The following STK3 variants were observed in gnomAD, a reference collection of about 807,000 sequenced individuals.
STK3 encodes serine/threonine-protein kinase 3.
Under a neutral mutation model 58.0 loss-of-function variants are expected in STK3, and 41 were observed. The observed-to-expected ratio is 0.71, with a 90% confidence interval of 0.55 to 0.92. The LOEUF (loss-of-function observed/expected upper bound fraction) is 0.92. Ranked by LOEUF, STK3 falls within the 40% of genes least tolerant of loss-of-function variation. The pLI is 0.00. For synonymous variants in STK3, 170 were observed against 191.0 expected, an observed-to-expected ratio of 0.89 and a Z score of 0.91; for missense variants, 479 against 602.7, an observed-to-expected ratio of 0.79 and a Z score of 2.15.
intron 1 of STK3, among the ~76,000 whole-genome samples, chr8:98,899,044 G>A (rs1838560584): frequency 6.6e-6 from 1 of 152,196 alleles, no homozygotes; most frequent in Admixed American, 6.5e-5. Flanking sequence ...GCTGACCCTT[G>A]AGTCCAAGGC....
At chr8:98,374,851 G>A (rs1817656038) in intron 2 of STK3, among the ~76,000 whole-genome samples, 1 of 152,204 alleles carries the variant, frequency 6.6e-6, no homozygotes, top group Admixed American at 6.5e-5. Context: ...GGATACATGA[G>A]AAGCTAGAGG....
intron 1 of STK3, among the ~76,000 whole-genome samples, chr8:98,802,852 A>G (rs1833645650): frequency 6.6e-6 from 1 of 152,212 alleles, no homozygotes; most frequent in Admixed American, 6.5e-5. Flanking sequence ...TTACAAAATA[A>G]TATGTACAGA....
At chr8:98,826,904 T>G (rs1835333947), upstream of STK3, among the ~76,000 whole-genome samples, 1 of 138,916 alleles carries the variant, frequency 7.2e-6, no homozygotes. Context: ...GCGCCTGTAC[T>G]CCCAGCTGCT....
chr8:98,415,653 G>A (rs1818107326), intron 3 of STK3, among the ~76,000 whole-genome samples: 1 of 152,102 alleles, frequency 6.6e-6, no homozygotes, highest in African/African-American at 2.4e-5. Context: ...TGAAATGTGG[G>A]TAAATTTTAA....
intron 1 of STK3, among the ~76,000 whole-genome samples, chr8:98,888,765 A>G (rs893003969): frequency 1.3e-5 from 2 of 152,264 alleles, no homozygotes; most frequent in Non-Finnish European, 2.9e-5. Context: ...TGTGTTAGAT[A>G]GAACCTGAAA....
intron 1 of STK3, among the ~76,000 whole-genome samples, chr8:98,817,926 A>C (rs1834657166): frequency 1.3e-5 from 2 of 152,218 alleles, no homozygotes; most frequent in South Asian, 4.1e-4. Flanking sequence ...CAGAGCTCTG[A>C]CTTAAATCCA....
chr8:98,691,156 G>A lies in STK3; in HGVS notation c.684+15311C>T, dbSNP rs143742758. ...AGGATCAGCAGAAGCCCAAACCTCA[G>A]TACCATGCAATATACCCTTGTAACA... On this transcript the variant is annotated intron_variant, in intron 6 of 10. Coordinates refer to ENST00000419617, the MANE Select transcript of STK3 (RefSeq NM_006281.4). 2.7e-4 allele frequency among the ~76,000 whole-genome samples: 41 copies of A among 152,154 alleles called. No individual in the cohort carries two copies. In the East Asian group the frequency reaches 7.7e-3, roughly 29 times the overall value.
intron 10 of STK3, among the ~76,000 whole-genome samples, chr8:98,474,236 T>C (rs531808299): frequency 6.6e-6 from 1 of 152,316 alleles, no homozygotes; most frequent in African/African-American, 2.4e-5. Flanking sequence ...AATAGCTTCC[T>C]AACTAGTTTC....
chr8:98,870,953 C>T (rs1279098492), intron 3 of STK3, among the ~76,000 whole-genome samples: 4 of 152,014 alleles, frequency 2.6e-5, no homozygotes, highest in African/African-American at 9.7e-5. Flanking sequence ...CTAGGTTTTC[C>T]TCTAGGGTTT....
rs769690028 is a variant in STK3 at position 98,428,609 on chromosome 8, C to T, written n.483+5518G>A. The T allele has an allele frequency of 6.8e-6, 11 of 1,614,136 alleles. No individual in the cohort carries two copies. The highest frequency in any genetic ancestry group is 3.3e-4 in the Middle Eastern group (2 of 6,062). On this transcript the variant is annotated intron_variant and non_coding_transcript_variant, in intron 3 of 3. Transcript: ENST00000517832. The surrounding 1 kb of genome is among the most constrained non-coding windows in gnomAD (Gnocchi z 6.7). Reference sequence around the variant, plus strand: ...TCACCATGTGCCTCAATAGCCTGCCCGATTTCCAAATCCCTGACAGCCAGG... The same window carrying T: ...TCACCATGTGCCTCAATAGCCTGCCTGATTTCCAAATCCCTGACAGCCAGG...
In STK3 at chr8:98,854,469, G is replaced by A. The variant is rs368340785; in HGVS notation, c.110+29178C>T. ...CTATTTTTAAAGATGATGTAATCTC[G>A]TATATAGAAAATCCTTAGAAATCCA... On this transcript the variant is annotated intron_variant, in intron 3 of 12. Transcript: ENST00000523601. Among the ~76,000 whole-genome samples the A allele has an allele frequency of 9.9e-5, 15 of 151,990 alleles. No individual in the cohort carries two copies. In the South Asian group the frequency reaches 2.1e-3, roughly 21 times the overall value.
At chr8:98,423,657 C>T (rs773212048) in intron 3 of STK3, among the ~76,000 whole-genome samples, 7 of 152,154 alleles carry the variant, frequency 4.6e-5, no homozygotes, top group South Asian at 2.1e-4. Context: ...TCCTTCAGGG[C>T]GGAAAGCACC....
chr8:98,368,249 G>A (rs1296846362), downstream of STK3, among the ~76,000 whole-genome samples: 2 of 152,184 alleles, frequency 1.3e-5, no homozygotes, highest in Admixed American at 1.3e-4. Flanking sequence ...TCTGGCCTGG[G>A]GTATGGAGGC....
chr8:98,713,523 C>A (rs529094132), intron 4 of STK3, among the ~76,000 whole-genome samples: 3 of 152,282 alleles, frequency 2.0e-5, no homozygotes, highest in East Asian at 1.9e-4. Flanking sequence ...ACTAGAAAAT[C>A]TAGAAGAAAT....
intron 6 of STK3, among the ~76,000 whole-genome samples, chr8:98,612,398 T>TACAC (rs150204604): frequency 1.3e-5 from 2 of 148,570 alleles, no homozygotes; most frequent in Non-Finnish European, 1.5e-5. Flanking sequence ...TATATATATA[T>TACAC]ACACACACAC....
At chr8:98,535,581 G>T (rs1451843091) in intron 9 of STK3, among the ~76,000 whole-genome samples, 1 of 151,634 alleles carries the variant, frequency 6.6e-6, no homozygotes, top group Non-Finnish European at 1.5e-5. Context: ...CCCCAGTGCT[G>T]TAATAAACAG....
chr8:98,549,780 G>C (rs1811012552), intron 8 of STK3, among the ~76,000 whole-genome samples: 1 of 152,174 alleles, frequency 6.6e-6, no homozygotes, highest in Non-Finnish European at 1.5e-5. Flanking sequence ...AGTGCTTTGG[G>C]AGGTCAGGGC....
intron 6 of STK3, chr8:98,633,753 G>A (rs1489963030): frequency 1.7e-6 from 1 of 587,962 alleles, no homozygotes; most frequent in African/African-American, 1.9e-5. Flanking sequence ...GTACCAGCAA[G>A]AGCCAGAGAA....
intron 10 of STK3, among the ~76,000 whole-genome samples, chr8:98,457,265 C>A (rs751717395): frequency 6.6e-6 from 1 of 152,210 alleles, no homozygotes; most frequent in Non-Finnish European, 1.5e-5. Flanking sequence ...GATCTTGCAT[C>A]TGTTACATGC....
Sources: gnomAD v4.1 joint callset for allele counts (sites outside exome capture counted in the v4.1 genomes callset) on GRCh38, gnomAD v4.1.1 for gene constraint, Gnocchi (gnomAD v3.1) non-coding constraint, MANE v1.5 for transcripts, NCBI Gene and HGNC (gene_info 2026-07-23, HGNC 2026-07-21) for gene names.